Variants in MTHFSD observed in about 807,000 individuals in gnomAD.
MTHFSD encodes methenyltetrahydrofolate synthetase domain containing.
MTHFSD carries 37 observed loss-of-function variants against 31.1 expected under a neutral mutation model. The observed-to-expected ratio is 1.19, with a 90% CI of 0.91 to 1.56. The LOEUF is 1.56. MTHFSD is among the 40% of genes most tolerant of loss of function. The pLI is 0.00. For missense variants in MTHFSD, 664 were observed against 510.1 expected (o/e 1.30, Z -2.91); for synonymous variants, 221 against 206.9 (o/e 1.07, Z -0.59).
chr16:86,554,539 G>C (rs779487624), intron 2 of MTHFSD, 106 bp downstream of exon 2: 34 of 909,286 alleles, frequency 3.7e-5, no homozygotes, highest in Middle Eastern at 2.9e-4. Context: ...CTCACTGCTC[G>C]CCACATTCTC....
intron 5 of MTHFSD, among the ~76,000 whole-genome samples, chr16:86,543,579 C>A (rs1437834125): frequency 6.6e-6 from 1 of 152,188 alleles, no homozygotes; most frequent in African/African-American, 2.4e-5. Context: ...TCAACACGGG[C>A]CCAGGAGGCC....
At chr16:86,534,088 ACT>A (rs1400628552) in intron 7 of MTHFSD, among the ~76,000 whole-genome samples, 4 of 152,132 alleles carry the variant, frequency 2.6e-5, no homozygotes, top group African/African-American at 7.2e-5. Flanking sequence ...TCATAGAAAG[ACT>A]CTGCAAAGAA....
chr16:86,537,919 C>T (rs1329973829), intron 7 of MTHFSD, among the ~76,000 whole-genome samples: 1 of 152,224 alleles, frequency 6.6e-6, no homozygotes, highest in Admixed American at 6.5e-5. Flanking sequence ...GATGCACGGG[C>T]CTTGGTCTAT....
rs373265539 is a variant in MTHFSD, at chr16:86,531,936, C to T, written c.*75G>A. 1.3e-5 allele frequency: 14 copies of T among 1,078,128 alleles called. No homozygotes were observed. The highest frequency in any genetic ancestry group is 3.3e-5 in the African/African-American group (2 of 61,068). The allele number at this position is 1,078,128 out of a possible 1,614,324, so 66.8% of individuals were successfully genotyped here. A position where few individuals can be genotyped will look rare whatever the true frequency, so the allele number is the denominator to read the frequency against. ...GACACGTCTTGCCACGCAGGCCTCT[C>T]GAGTGCCATCGGAACCGGAGCGGCA... On this transcript the variant is annotated 3_prime_UTR_variant, in exon 8 of 8. Coordinates refer to ENST00000360900, the MANE Select transcript of MTHFSD (RefSeq NM_001159377.2). The surrounding 1 kb of genome is among the most constrained non-coding windows in gnomAD (Gnocchi z 5.5).
At position 86,553,933 on chromosome 16, in the gene MTHFSD, G is replaced by A. The variant is rs1597389788; in HGVS notation, c.123+712C>T. Among the ~76,000 whole-genome samples, 5 of 152,360 alleles carry A rather than the reference G, an allele frequency of 3.3e-5. No homozygotes were observed. In the South Asian group the frequency reaches 1.0e-3, roughly 32 times the overall value. ...GAATGCACCAATGGGCACTCTGTATGTAGCTAATCTAGTGGGGAGGTGGAG... is the reference window on the plus strand; with the variant it reads ...GAATGCACCAATGGGCACTCTGTATATAGCTAATCTAGTGGGGAGGTGGAG... On this transcript the variant is annotated intron_variant, in intron 2 of 7. Transcript: ENST00000360900.
intron 5 of MTHFSD, among the ~76,000 whole-genome samples, chr16:86,545,638 C>T (rs1294668376): frequency 5.3e-5 from 8 of 152,286 alleles, no homozygotes; most frequent in Admixed American, 4.6e-4. Context: ...GAGATGCCCC[C>T]TCCAGGCTGG....
chr16:86,542,126 A>G lies in MTHFSD; in HGVS notation c.530T>C (p.Val177Ala). 2 of 1,613,684 alleles carry G rather than the reference A, an allele frequency of 1.2e-6. No homozygotes were observed. The highest frequency in any genetic ancestry group is 3.3e-4 in the Middle Eastern group (2 of 6,062). ...SMGAVSKETPVVTIVHDCQVV... is the reference protein window; with the variant it reads ...SMGAVSKETPAVTIVHDCQVV... ...CTGGCAGTCGTGGACGATGGTGACC[A>G]CCGGCGTCTCCTTGCTGACGGCGCC... The change falls in exon 6 of 8, where the codon GTG becomes GCG. Residue 177 changes from valine (V) to alanine (A), a missense_variant. Physicochemically the swap from Val to Ala is moderately conservative, Grantham distance 64. Transcript: ENST00000360900. This position sits in a 1 kb window ranked among gnomAD's most constrained non-coding sequence, Gnocchi z 4.6.
chr16:86,552,275 G>C lies in MTHFSD; in HGVS notation c.124-129C>G, dbSNP rs748692040. 1.0e-5 allele frequency: 16 copies of C among 1,590,098 alleles called. No individual in the cohort carries two copies. The East Asian group carries it at 1.6e-4, about 16-fold the overall frequency. On this transcript the variant is annotated intron_variant, in intron 2 of 7. Coordinates refer to ENST00000360900, the MANE Select transcript of MTHFSD (RefSeq NM_001159377.2). ...ACGCCTGCAAGCGTGGGAGTTGCTC[G>C]GCAGCATGAGAAGCGCCCTGTTTCC...
chr16:86,538,564 C>T (rs912281971), intron 7 of MTHFSD, among the ~76,000 whole-genome samples: 1 of 152,254 alleles, frequency 6.6e-6, no homozygotes, highest in African/African-American at 2.4e-5. Context: ...GGGTCCAGGG[C>T]TTCAGCCATT....
chr16:86,537,610 G>C (rs1597329715), intron 7 of MTHFSD, among the ~76,000 whole-genome samples: 1 of 152,200 alleles, frequency 6.6e-6, no homozygotes, highest in South Asian at 2.1e-4. Context: ...TTCACAGTTA[G>C]CTGCATTATT....
At chr16:86,552,537 T>C (rs1973315746) in intron 2 of MTHFSD, among the ~76,000 whole-genome samples, 1 of 152,210 alleles carries the variant, frequency 6.6e-6, no homozygotes, top group Non-Finnish European at 1.5e-5. Context: ...ATTTGATGAT[T>C]TTTCACAAAA....
At chr16:86,535,304 T>G (rs1318588459) in intron 7 of MTHFSD, 1 of 637,602 alleles carries the variant, frequency 1.6e-6, no homozygotes, top group Non-Finnish European at 1.9e-6. Context: ...AGGCTTCACA[T>G]CAGCTCCCTC....
Position 86,546,415 on chromosome 16 carries a change from T to C in MTHFSD, c.442+144A>G, listed in dbSNP as rs1171458560. ...GTGGGCTGAGCCAATTCTTCACCTC[T>C]GAAAAATGCAGCGGCTTCGGAGACC... is the stretch of plus-strand genomic sequence containing the variant. On this transcript the variant is annotated intron_variant, in intron 5 of 7. Transcript: ENST00000360900. The C allele has an allele frequency of 1.5e-5, 11 of 712,220 alleles. No individual in the cohort carries two copies. The East Asian group carries it at 2.9e-4, about 19-fold the overall frequency. The allele number at this position is 712,220 out of a possible 1,614,324, so 44.1% of individuals were successfully genotyped here. A position where few individuals can be genotyped will look rare whatever the true frequency, so the allele number is the denominator to read the frequency against.
chr16:86,541,846 AG>A (rs1271409106), intron 6 of MTHFSD, 24 bp from the exon 7 acceptor site: 1 of 1,612,828 alleles, frequency 6.2e-7, no homozygotes. Context: ...GGAGGGATAA[AG>A]GGGCTGCTGG....
chr16:86,538,544 C>T (rs536143875), intron 7 of MTHFSD, among the ~76,000 whole-genome samples: 46 of 152,324 alleles, frequency 3.0e-4, no homozygotes, highest in Non-Finnish European at 4.1e-4. Flanking sequence ...CAGGGCTGCT[C>T]GACACTAGCG....
rs917374612 is a variant in MTHFSD, at chr16:86,555,200, G to A, written c.-16C>T. ...TCGGCTCCATGGTGATGCAGTCGCT[G>A]TGCGACGCTTCCCGGCGCAGGTTCT... On this transcript the variant is annotated 5_prime_UTR_variant, in exon 1 of 8. Coordinates refer to ENST00000360900, the MANE Select transcript of MTHFSD (RefSeq NM_001159377.2). 2 of 1,536,654 alleles carry A rather than the reference G, an allele frequency of 1.3e-6. No individual in the cohort carries two copies. The highest frequency in any genetic ancestry group is 2.4e-5 in the East Asian group (1 of 40,994).
At chr16:86,532,642 A>G (rs973062533) in intron 7 of MTHFSD, 161 bp from the exon 8 acceptor site, 5 of 459,382 alleles carry the variant, frequency 1.1e-5, no homozygotes, top group East Asian at 7.0e-5. Flanking sequence ...CCCACCCACT[A>G]TCTCACACAG....
At chr16:86,545,441 T>C (rs529173329) in intron 5 of MTHFSD, among the ~76,000 whole-genome samples, 1 of 152,188 alleles carries the variant, frequency 6.6e-6, no homozygotes, top group Middle Eastern at 3.4e-3. Flanking sequence ...CTGAACCTGA[T>C]GATATTTTCC....
intron 7 of MTHFSD, among the ~76,000 whole-genome samples, chr16:86,539,341 T>G (rs1971156600): frequency 6.6e-6 from 1 of 152,168 alleles, no homozygotes. Flanking sequence ...TCCTAAGAAT[T>G]CTGCCAGCAG....
Sources: allele counts gnomAD v4.1 joint callset (sites outside exome capture counted in the v4.1 genomes callset), GRCh38; gene constraint gnomAD v4.1.1; non-coding constraint Gnocchi (gnomAD v3.1); transcripts MANE v1.5; gene names NCBI Gene and HGNC (gene_info 2026-07-23, HGNC 2026-07-21).